TNRC6C: variants seen among roughly 807,000 people sequenced by gnomAD.
TNRC6C encodes the protein trinucleotide repeat-containing gene 6C protein.
TNRC6C carries 20 observed loss-of-function variants against 153.7 expected under a neutral mutation model. That is an observed-to-expected ratio of 0.13 (90% CI 0.09 to 0.19). TNRC6C has a LOEUF of 0.19. TNRC6C is among the 10% of genes least tolerant of loss of function. The probability of loss-of-function intolerance (pLI) is 1.00; values close to 1 mark genes in which losing one functional copy is unlikely to be tolerated. For synonymous variants in TNRC6C, 811 were observed against 841.4 expected (o/e 0.96, Z 0.63); for missense variants, 1,987 against 2,172.0 (o/e 0.91, Z 1.69).
intron 14 of TNRC6C, among the ~76,000 whole-genome samples, chr17:78,092,629 C>T (rs2073413466): frequency 6.6e-6 from 1 of 152,092 alleles, no homozygotes; most frequent in Non-Finnish European, 1.5e-5. Flanking sequence ...CCTGTAGTTC[C>T]AGCTACTTGG....
chr17:78,013,216 T>A (rs974429949), intron 1 of TNRC6C, among the ~76,000 whole-genome samples: 1 of 152,232 alleles, frequency 6.6e-6, no homozygotes, highest in Non-Finnish European at 1.5e-5. Context: ...TTAGATCTTC[T>A]GGACCAGAGA....
At chr17:77,978,303 T>C (rs1228917924) in intron 1 of TNRC6C, among the ~76,000 whole-genome samples, 1 of 152,224 alleles carries the variant, frequency 6.6e-6, no homozygotes, top group African/African-American at 2.4e-5. Context: ...TCTACTAATA[T>C]TCCTCCACAT....
At chr17:78,001,032 G>A (rs1351293387), upstream of TNRC6C, among the ~76,000 whole-genome samples, 1 of 152,128 alleles carries the variant, frequency 6.6e-6, no homozygotes, top group Admixed American at 6.5e-5. Flanking sequence ...ACACCGAAAT[G>A]ATACCCACAG....
Position 78,032,190 on chromosome 17 carries a change from A to G in TNRC6C, c.-219+348A>G, listed in dbSNP as rs541403296. On this transcript the variant is annotated intron_variant, in intron 2 of 19. Transcript: ENST00000301624. ...TAAAACCCTTTTCTCTCAATTTCCT[A>G]GTCTGTCTTATGAGTGCACACAAGC... Among the ~76,000 whole-genome samples the G allele has an allele frequency of 2.0e-5, 3 of 152,270 alleles. No homozygotes were observed. The East Asian group carries it at 5.8e-4, about 29-fold the overall frequency.
In TNRC6C at chr17:78,083,144, A is replaced by C. The variant is rs747526409; in HGVS notation, c.3455A>C (p.Asn1152Thr). The C allele has an allele frequency of 7.4e-6, 12 of 1,613,850 alleles. No homozygotes were observed. The African/African-American group carries it at 1.6e-4, about 22-fold the overall frequency. Reference sequence around the variant, plus strand: ...AATCCTCAACATATGACGATGTTGAACCAGCTCTATCAGCTGCAGCTGGTG... The same window carrying C: ...AATCCTCAACATATGACGATGTTGACCCAGCTCTATCAGCTGCAGCTGGTG... Residue 1152 changes from asparagine to threonine, a missense_variant, in exon 11 of 20, where the codon AAC becomes ACC. Coordinates refer to ENST00000301624, the Ensembl canonical transcript of TNRC6C.
chr17:78,049,891 T>C lies in TNRC6C; in HGVS notation c.829T>C (p.Leu277=). Residue 277 remains leucine, a synonymous_variant, in exon 3 of 20, where the codon TTA becomes CTA. Transcript: ENST00000301624. The surrounding 1 kb of genome is among the most constrained non-coding windows in gnomAD (Gnocchi z 4.1). Reference sequence around the variant, plus strand: ...GAATGGAGACACTGTGAACTCAGCATTAAGTGCTAAACAAAATGGATCCAG... The same window carrying C: ...GAATGGAGACACTGTGAACTCAGCACTAAGTGCTAAACAAAATGGATCCAG... The C allele has an allele frequency of 6.2e-7, 1 of 1,614,028 alleles. No homozygotes were observed. Among genetic ancestry groups the C allele is most frequent in the Non-Finnish European group, 8.5e-7 (1 of 1,179,892 alleles).
chr17:78,024,135 A>T (rs2143599656), intron 1 of TNRC6C, among the ~76,000 whole-genome samples: 1 of 152,308 alleles, frequency 6.6e-6, no homozygotes, highest in Middle Eastern at 3.4e-3. Flanking sequence ...TTTGAGGCAG[A>T]TACATTAAAG....
At chr17:78,021,624 C>A (rs917704148) in intron 1 of TNRC6C, among the ~76,000 whole-genome samples, 1 of 152,150 alleles carries the variant, frequency 6.6e-6, no homozygotes. Context: ...GGCTGGAGTG[C>A]GATGGCGCAG....
rs562402423 is a variant in TNRC6C at position 78,049,288 on chromosome 17, A to G, written c.226A>G (p.Thr76Ala). 3 of 1,613,450 alleles carry G rather than the reference A, an allele frequency of 1.9e-6. No homozygotes were observed. The highest frequency in any genetic ancestry group is 1.7e-5 in the Admixed American group (1 of 59,994). Residue 76 changes from threonine to alanine, a missense_variant, in exon 3 of 20, where the codon ACT (threonine) becomes GCT (alanine). Coordinates refer to ENST00000301624, the Ensembl canonical transcript of TNRC6C. The surrounding 1 kb of genome is among the most constrained non-coding windows in gnomAD (Gnocchi z 4.1). The stretch of plus-strand genomic sequence containing the variant: ...CAGTGGTGGGGATGGAAAAATGGAC[A>G]CTATGATTGGAGATGGGAGAAGTCA...
At position 78,097,865 on chromosome 17, in the gene TNRC6C, C is replaced by T. The variant is rs754372690; in HGVS notation, c.4307-478C>T. ...GCATCCGCACCTAGTGTTGCAGGTA[C>T]GCGCCTGGCCTCTAGACTTGCAGGT... On this transcript the variant is annotated intron_variant, in intron 16 of 19. Transcript: ENST00000301624. The T allele has an allele frequency of 1.4e-5, 22 of 1,526,406 alleles. No homozygotes were observed. Among genetic ancestry groups the T allele is most frequent in the Admixed American group, 1.3e-4 (6 of 47,432 alleles). The allele number at this position is 1,526,406 out of a possible 1,614,324, so 94.6% of individuals were successfully genotyped here. A position where few individuals can be genotyped will look rare whatever the true frequency, so the allele number is the denominator to read the frequency against.
Position 77,985,212 on chromosome 17 carries a change from G to T in TNRC6C, c.-37-18958G>T, listed in dbSNP as rs185529224. ...ATAGTTCTTTTGGTTATAGGACTGA[G>T]GTCCTTGTTTCCTTGCTAGCTGTCA... is the stretch of plus-strand genomic sequence containing the variant. On this transcript the variant is annotated intron_variant, in intron 1 of 22. Coordinates refer to the TNRC6C transcript ENST00000636222. Among the ~76,000 whole-genome samples, 173 of 152,222 alleles carry T rather than the reference G, an allele frequency of 1.1e-3. 1 individual carries two copies. The highest frequency in any genetic ancestry group is 3.9e-3 in the African/African-American group (161 of 41,544).
intron 4 of TNRC6C, chr17:78,066,203 C>T (rs2144220619): frequency 6.7e-6 from 1 of 150,324 alleles, no homozygotes; most frequent in South Asian, 2.1e-4. Context: ...TGCACTGTAG[C>T]CTGGGAGACA....
At chr17:78,078,718 A>G (rs2073126293) in intron 9 of TNRC6C, among the ~76,000 whole-genome samples, 1 of 152,112 alleles carries the variant, frequency 6.6e-6, no homozygotes. Context: ...TAATCCTAGC[A>G]CTTTGGGAGG....
chr17:78,062,535 A>G (rs897104763), intron 3 of TNRC6C, among the ~76,000 whole-genome samples: 3 of 152,210 alleles, frequency 2.0e-5, no homozygotes, highest in African/African-American at 7.2e-5. Flanking sequence ...ATGACTTAAA[A>G]TATTTATATT....
At chr17:78,047,485 C>T (rs1011640001) in intron 2 of TNRC6C, among the ~76,000 whole-genome samples, 4 of 152,186 alleles carry the variant, frequency 2.6e-5, no homozygotes, top group African/African-American at 9.7e-5. Flanking sequence ...ACTCTTAAAT[C>T]AGGCAATAAA....
intron 1 of TNRC6C, among the ~76,000 whole-genome samples, chr17:78,016,197 A>AC (rs2071725092): frequency 6.6e-6 from 1 of 152,206 alleles, no homozygotes; most frequent in South Asian, 2.1e-4. Context: ...ACTGCCGCAG[A>AC]CCAGGGGTCA....
chr17:78,011,516 T>A (rs531759530), intron 1 of TNRC6C, among the ~76,000 whole-genome samples: 9 of 152,250 alleles, frequency 5.9e-5, no homozygotes, highest in Non-Finnish European at 1.2e-4. Context: ...CAGTAGTTCA[T>A]TCCTTTTTAT....
At chr17:78,072,166 T>C (rs1003822526) in intron 6 of TNRC6C, among the ~76,000 whole-genome samples, 17 of 152,166 alleles carry the variant, frequency 1.1e-4, no homozygotes, top group African/African-American at 4.1e-4. Flanking sequence ...GGCAGGGCAT[T>C]GTGTTGGTGG....
chr17:77,975,702 G>A (rs2070988540), intron 1 of TNRC6C, among the ~76,000 whole-genome samples: 1 of 152,160 alleles, frequency 6.6e-6, no homozygotes, highest in African/African-American at 2.4e-5. Flanking sequence ...AACAACAGAA[G>A]TGGAAACTAA....
Sources: gnomAD v4.1 joint callset for allele counts (sites outside exome capture counted in the v4.1 genomes callset) on GRCh38, gnomAD v4.1.1 for gene constraint, Gnocchi (gnomAD v3.1) non-coding constraint, MANE v1.5 for transcripts, NCBI Gene and HGNC (gene_info 2026-07-23, HGNC 2026-07-21) for gene names.